The following CSMD3 variants were observed in gnomAD, a reference collection of about 807,000 sequenced individuals.
CSMD3 encodes CUB and sushi domain-containing protein 3.
Under a neutral mutation model 435.2 loss-of-function variants are expected in CSMD3, and 177 were observed. That is an observed-to-expected ratio of 0.41 (90% CI 0.36 to 0.46). The LOEUF (loss-of-function observed/expected upper bound fraction) is 0.46. Ranked by LOEUF, CSMD3 falls within the 20% of genes least tolerant of loss-of-function variation. CSMD3 has a pLI of 0.34. For synonymous variants in CSMD3, 1,656 were observed against 1,520.5 expected (o/e 1.09, Z -2.07); for missense variants, 4,265 against 4,504.6 (o/e 0.95, Z 1.52).
chr8:112,348,484 C>T (rs1191019373), intron 40 of CSMD3, among the ~76,000 whole-genome samples: 2 of 152,096 alleles, frequency 1.3e-5, no homozygotes, highest in African/African-American at 4.8e-5. Context: ...CAGCCTCTTG[C>T]TTCTAGTTTC....
intron 1 of CSMD3, among the ~76,000 whole-genome samples, chr8:113,367,898 T>C (rs528732138): frequency 6.2e-4 from 94 of 152,234 alleles, no homozygotes; most frequent in African/African-American, 2.1e-3. Context: ...ATTTTCTTCA[T>C]GATAATTGCA....
chr8:113,207,725 G>A (rs1187816211), intron 3 of CSMD3, among the ~76,000 whole-genome samples: 1 of 152,016 alleles, frequency 6.6e-6, no homozygotes, highest in Non-Finnish European at 1.5e-5. Context: ...TGTCAACTAG[G>A]ATCTGGTGTT....
intron 30 of CSMD3, among the ~76,000 whole-genome samples, chr8:112,494,158 A>T (rs1029391502): frequency 6.6e-6 from 1 of 152,154 alleles, no homozygotes; most frequent in African/African-American, 2.4e-5. Flanking sequence ...TTTAAGAAGA[A>T]CACTATATAT....
intron 4 of CSMD3, among the ~76,000 whole-genome samples, chr8:113,152,275 A>T (rs1484996218): frequency 2.6e-5 from 4 of 152,086 alleles, no homozygotes; most frequent in African/African-American, 9.7e-5. Flanking sequence ...TCTATAGCAT[A>T]ATACCACTTA....
intron 2 of CSMD3, among the ~76,000 whole-genome samples, chr8:113,306,716 C>T (rs1170077243): frequency 2.6e-5 from 4 of 152,084 alleles, no homozygotes; most frequent in Non-Finnish European, 5.9e-5. Flanking sequence ...TGCTCAAAAA[C>T]ATTTATGGGG....
At position 112,295,888 on chromosome 8, in the gene CSMD3, T is replaced by C. The variant is rs781043553; in HGVS notation, c.8559A>G (p.Ser2853=). The C allele has an allele frequency of 6.2e-7, 1 of 1,614,028 alleles. No individual in the cohort carries two copies. Among genetic ancestry groups the C allele is most frequent in the Non-Finnish European group, 8.5e-7 (1 of 1,179,978 alleles). ...CNPGFRLIGS[S]VRICQQDHNW... ...TGTGATCCTGTTGACATATCCTCAC[T>C]GAAGAACCAATCAATCGAAAACCAG... Residue 2853 remains serine (S), a synonymous_variant, in exon 54 of 71, where the codon TCA becomes TCG. Coordinates refer to ENST00000297405, the MANE Select transcript of CSMD3 (RefSeq NM_198123.2).
At position 112,247,017 on chromosome 8, in the gene CSMD3, T is replaced by A. The variant is rs1257344003; in HGVS notation, c.10222+3A>T. 1 of 1,595,704 alleles carries A rather than the reference T, an allele frequency of 6.3e-7. No individual in the cohort carries two copies. Among genetic ancestry groups the A allele is most frequent in the Non-Finnish European group, 8.6e-7 (1 of 1,163,264 alleles). On this transcript the variant is annotated splice_donor_region_variant and intron_variant, in intron 64 of 70. Coordinates refer to ENST00000297405, the MANE Select transcript of CSMD3 (RefSeq NM_198123.2). ...AGCATTATTTCTTATCCATAATACT[T>A]ACGTATGCATTCAGGCTGAATCCCA... is the stretch of plus-strand genomic sequence containing the variant.
intron 41 of CSMD3, among the ~76,000 whole-genome samples, 166 bp downstream of exon 41, chr8:112,345,931 G>A (rs1170103785): frequency 2.0e-5 from 3 of 151,860 alleles, no homozygotes; most frequent in African/African-American, 7.3e-5. Context: ...TTTGACTTAA[G>A]CAACAATTAT....
At chr8:112,597,125 C>A (rs1831807051) in intron 22 of CSMD3, among the ~76,000 whole-genome samples, 1 of 151,302 alleles carries the variant, frequency 6.6e-6, no homozygotes, top group Admixed American at 6.6e-5. Context: ...GCTAGCAAGA[C>A]TAATAAAGAA....
At chr8:112,393,314 C>A (rs7461456) in intron 35 of CSMD3, among the ~76,000 whole-genome samples, 1 of 151,944 alleles carries the variant, frequency 6.6e-6, no homozygotes, top group South Asian at 2.1e-4. Context: ...AATATGCTTT[C>A]TTATTGCTGT....
intron 32 of CSMD3, among the ~76,000 whole-genome samples, chr8:112,415,055 G>C (rs1439099276): frequency 6.6e-6 from 1 of 152,224 alleles, no homozygotes; most frequent in African/African-American, 2.4e-5. Flanking sequence ...CAAGCCAGCT[G>C]CAGAAATTTG....
intron 10 of CSMD3, among the ~76,000 whole-genome samples, chr8:112,883,986 A>C (rs2081519746): frequency 6.6e-6 from 1 of 151,926 alleles, no homozygotes; most frequent in African/African-American, 2.4e-5. Context: ...AGTATGCCAC[A>C]GAGCCCTTGG....
At chr8:113,275,526 A>AT (rs1226341248) in intron 3 of CSMD3, among the ~76,000 whole-genome samples, 5 of 152,104 alleles carry the variant, frequency 3.3e-5, no homozygotes, top group Admixed American at 6.6e-5. Flanking sequence ...AGTGTTGACA[A>AT]TTTGAGAAAC....
intron 24 of CSMD3, among the ~76,000 whole-genome samples, chr8:112,566,910 G>C (rs779750634): frequency 6.6e-6 from 1 of 152,100 alleles, no homozygotes; most frequent in Non-Finnish European, 1.5e-5. Flanking sequence ...TCATAAGCCT[G>C]TCTATAAAAT....
intron 6 of CSMD3, among the ~76,000 whole-genome samples, chr8:112,985,573 C>A (rs28662129): frequency 0.12 from 18,650 of 152,006 alleles, 2,001 homozygotes; most frequent in African/African-American, 0.29. Context: ...GGTACCAGTC[C>A]TTCGCCTGTT....
chr8:113,106,478 A>G (rs552483788), intron 4 of CSMD3, among the ~76,000 whole-genome samples: 187 of 152,352 alleles, frequency 1.2e-3, no homozygotes, highest in African/African-American at 4.3e-3. Flanking sequence ...CTATAGGAAA[A>G]TACCAAACAG....
intron 13 of CSMD3, among the ~76,000 whole-genome samples, chr8:112,783,258 A>T (rs1350229665): frequency 6.6e-6 from 1 of 151,862 alleles, no homozygotes; most frequent in African/African-American, 2.4e-5. Context: ...AAGTGCTGTT[A>T]ATAGTTTAAA....
chr8:112,282,471 T>C (rs1818755393), intron 58 of CSMD3, among the ~76,000 whole-genome samples: 1 of 151,912 alleles, frequency 6.6e-6, no homozygotes, highest in Non-Finnish European at 1.5e-5. Flanking sequence ...GATCCATAGC[T>C]TGACGTAATG....
intron 3 of CSMD3, among the ~76,000 whole-genome samples, chr8:113,223,833 T>A (rs1252730269): frequency 1.3e-5 from 2 of 150,130 alleles, no homozygotes; most frequent in African/African-American, 4.9e-5. Context: ...AAAAAAAACA[T>A]GTTTCTGCTA....
Sources: gnomAD v4.1 joint callset for allele counts (sites outside exome capture counted in the v4.1 genomes callset) on GRCh38, gnomAD v4.1.1 for gene constraint, MANE v1.5 for transcripts, NCBI Gene and HGNC (gene_info 2026-07-23, HGNC 2026-07-21) for gene names.